The following NTSR1 variants were observed in gnomAD, a reference collection of about 807,000 sequenced individuals.
The protein encoded by NTSR1 is neurotensin receptor type 1.
NTSR1 carries 29 observed loss-of-function variants against 31.2 expected under a neutral mutation model. That is an observed-to-expected ratio of 0.93 (90% CI 0.69 to 1.27). The LOEUF is 1.27. Ranked by LOEUF, NTSR1 falls within the 50% of genes most tolerant of loss-of-function variation. The probability of loss-of-function intolerance (pLI) is 0.00; values close to 1 mark genes in which losing one functional copy is unlikely to be tolerated. For missense variants in NTSR1, 697 were observed against 595.4 expected (o/e 1.17, Z -1.78); for synonymous variants, 282 against 269.9 (o/e 1.04, Z -0.44).
chr20:62,750,506 T>C (rs1020590441), intron 1 of NTSR1, among the ~76,000 whole-genome samples: 4 of 151,798 alleles, frequency 2.6e-5, no homozygotes, highest in South Asian at 2.1e-4. Context: ...CTGGCTAACA[T>C]GGTGAAACCC....
intron 1 of NTSR1, among the ~76,000 whole-genome samples, chr20:62,716,292 A>G (rs1340072453): frequency 1.3e-5 from 2 of 152,046 alleles, no homozygotes; most frequent in Non-Finnish European, 2.9e-5. Flanking sequence ...GGTCTTCTCT[A>G]AGATGCAGGT....
At chr20:62,751,842 C>A (rs948097654) in intron 1 of NTSR1, among the ~76,000 whole-genome samples, 4 of 152,312 alleles carry the variant, frequency 2.6e-5, no homozygotes, top group South Asian at 4.1e-4. Flanking sequence ...AGCTGTCCAG[C>A]GCCATGCCTG....
chr20:62,727,507 C>T (rs561454316), intron 1 of NTSR1, among the ~76,000 whole-genome samples: 143 of 152,346 alleles, frequency 9.4e-4, no homozygotes, highest in Non-Finnish European at 9.3e-4. Context: ...GCACCTTGCC[C>T]GGCCGCCGGG....
At chr20:62,753,264 T>C (rs757068555) in intron 1 of NTSR1, among the ~76,000 whole-genome samples, 2 of 152,132 alleles carry the variant, frequency 1.3e-5, no homozygotes, top group African/African-American at 2.4e-5. Context: ...CCTGCCGACA[T>C]TCCCACGACC....
chr20:62,749,293 T>G (rs1384748945), intron 1 of NTSR1, among the ~76,000 whole-genome samples: 1 of 152,032 alleles, frequency 6.6e-6, no homozygotes. Flanking sequence ...TACAAAAAAT[T>G]AGCCGGGTGT....
chr20:62,734,122 C>T (rs539816704), intron 1 of NTSR1, among the ~76,000 whole-genome samples: 6 of 152,052 alleles, frequency 3.9e-5, no homozygotes, highest in African/African-American at 1.2e-4. Flanking sequence ...TGGAAGCGAC[C>T]GCCTTGTCCC....
chr20:62,728,770 G>T (rs1403221879), intron 1 of NTSR1, among the ~76,000 whole-genome samples: 1 of 152,168 alleles, frequency 6.6e-6, no homozygotes, highest in Non-Finnish European at 1.5e-5. Context: ...AACGCCAGAG[G>T]CACGTCCACC....
In NTSR1 at chr20:62,760,230, C is replaced by A; in HGVS notation, c.1220C>A (p.Thr407Asn). ...RKADSVSSNH[T>N]LSSNATRETL... ...GCCGACAGCGTGTCCAGCAACCACA[C>A]CCTCTCCAGCAATGCCACCCGCGAG... is the stretch of plus-strand genomic sequence containing the variant. Residue 407 changes from threonine to asparagine, a missense_variant, in exon 4 of 4, where the codon ACC (threonine) becomes AAC (asparagine). Thr to Asn is a moderately conservative substitution (Grantham distance 65). Coordinates refer to ENST00000370501, the MANE Select transcript of NTSR1 (RefSeq NM_002531.3). 1 of 1,613,412 alleles carries A rather than the reference C, an allele frequency of 6.2e-7. No homozygotes were observed. The highest frequency in any genetic ancestry group is 8.5e-7 in the Non-Finnish European group (1 of 1,179,884).
chr20:62,710,648 C>T (rs898382910), intron 1 of NTSR1, among the ~76,000 whole-genome samples: 1 of 152,066 alleles, frequency 6.6e-6, no homozygotes, highest in Admixed American at 6.5e-5. Flanking sequence ...AAGGGCCCTC[C>T]AAGGGTCTGA....
At chr20:62,754,942 A>G in intron 2 of NTSR1, 56 bp downstream of exon 2, 1 of 1,479,194 alleles carries the variant, frequency 6.8e-7, no homozygotes, top group Non-Finnish European at 9.1e-7. Context: ...TAGCAAAGGC[A>G]GCGAGCGCTG....
At chr20:62,719,843 G>C (rs180831410) in intron 1 of NTSR1, among the ~76,000 whole-genome samples, 42 of 152,220 alleles carry the variant, frequency 2.8e-4, no homozygotes, top group African/African-American at 9.9e-4. Context: ...TCTTCATCTG[G>C]TTTTCTGGCC....
At position 62,760,283 on chromosome 20, in the gene NTSR1, A is replaced by T; in HGVS notation, c.*16A>T. ...GCTGTACTAGGCTGTGCGCCCCGGA[A>T]CGTGTCCAGGAGGAGCCTGGCCATG... On this transcript the variant is annotated 3_prime_UTR_variant, in exon 4 of 4. Transcript: ENST00000370501. The T allele has an allele frequency of 6.3e-7, 1 of 1,591,738 alleles. No homozygotes were observed. The highest frequency in any genetic ancestry group is 1.3e-5 in the African/African-American group (1 of 74,756).
chr20:62,730,451 T>A (rs1258241641), intron 1 of NTSR1, among the ~76,000 whole-genome samples: 3 of 152,272 alleles, frequency 2.0e-5, no homozygotes, highest in Non-Finnish European at 2.9e-5. Flanking sequence ...TACGGCTGAA[T>A]AATATTCCAT....
At chr20:62,749,741 G>A (rs1989360807) in intron 1 of NTSR1, among the ~76,000 whole-genome samples, 1 of 152,144 alleles carries the variant, frequency 6.6e-6, no homozygotes, top group South Asian at 2.1e-4. Flanking sequence ...AAACCACAGT[G>A]AGCTATCACT....
At chr20:62,713,826 G>A (rs564807072) in intron 1 of NTSR1, among the ~76,000 whole-genome samples, 1 of 152,346 alleles carries the variant, frequency 6.6e-6, no homozygotes, top group African/African-American at 2.4e-5. Context: ...AAGGCCGGGC[G>A]TGGTGGCTCA....
intron 1 of NTSR1, among the ~76,000 whole-genome samples, chr20:62,722,547 T>A (rs1988841072): frequency 6.6e-6 from 1 of 152,180 alleles, no homozygotes; most frequent in African/African-American, 2.4e-5. Flanking sequence ...GCAGTCCCCC[T>A]CTCTAGCACC....
intron 1 of NTSR1, among the ~76,000 whole-genome samples, chr20:62,720,404 T>A (rs183142516): frequency 3.3e-4 from 51 of 152,376 alleles, no homozygotes; most frequent in Middle Eastern, 6.8e-3. Flanking sequence ...CCATATAATC[T>A]ATTTTGTCAA....
At chr20:62,731,539 GTATTT>G (rs1416094365) in intron 1 of NTSR1, among the ~76,000 whole-genome samples, 1 of 151,950 alleles carries the variant, frequency 6.6e-6, no homozygotes, top group Admixed American at 6.6e-5. Flanking sequence ...TTATTATCTT[GTATTT>G]TATATTAAAT....
chr20:62,730,242 G>A (rs1273554928), intron 1 of NTSR1, among the ~76,000 whole-genome samples: 1 of 152,124 alleles, frequency 6.6e-6, no homozygotes, highest in Non-Finnish European at 1.5e-5. Flanking sequence ...AATCCTTGGA[G>A]CTCCACCTGT....
Sources: gnomAD v4.1 joint callset for allele counts (sites outside exome capture counted in the v4.1 genomes callset) on GRCh38, gnomAD v4.1.1 for gene constraint, MANE v1.5 for transcripts, NCBI Gene and HGNC (gene_info 2026-07-23, HGNC 2026-07-21) for gene names.